SGCD: variants seen among roughly 807,000 people sequenced by gnomAD.
SGCD encodes the protein sarcoglycan delta, also known as delta-sarcoglycan.
SGCD carries 18 observed loss-of-function variants against 36.6 expected under a neutral mutation model. That is an observed-to-expected ratio of 0.49 (90% CI 0.34 to 0.73). The LOEUF is 0.73. SGCD is among the 30% of genes least tolerant of loss of function. The pLI is 0.01. For missense variants in SGCD, 387 were observed against 346.7 expected (o/e 1.12, Z -0.92); for synonymous variants, 133 against 130.6 (o/e 1.02, Z -0.12).
At chr5:156,713,107 G>A (rs1024782996) in intron 7 of SGCD, among the ~76,000 whole-genome samples, 5 of 152,040 alleles carry the variant, frequency 3.3e-5, no homozygotes, top group Non-Finnish European at 5.9e-5. Flanking sequence ...AGGGGTAGCC[G>A]GGCAGGTACA....
At chr5:155,729,074 T>A in the SGCD span, among the ~76,000 whole-genome samples, 1 of 152,232 alleles carries the variant, frequency 6.6e-6, no homozygotes, top group Non-Finnish European at 1.5e-5. Flanking sequence ...AAGTTGGGTC[T>A]CCTTGCGCTT....
chr5:156,024,587 T>C (rs1017628843), intron 1 of SGCD, among the ~76,000 whole-genome samples: 1 of 152,078 alleles, frequency 6.6e-6, no homozygotes, highest in Non-Finnish European at 1.5e-5. Flanking sequence ...ATGCTCCAGT[T>C]ATGGTTCCTG....
intron 7 of SGCD, among the ~76,000 whole-genome samples, chr5:156,723,229 A>G (rs1581467707): frequency 1.3e-5 from 2 of 152,284 alleles, no homozygotes; most frequent in Admixed American, 1.3e-4. Flanking sequence ...AATGAGGGAG[A>G]GTTGCTCACC....
intron 7 of SGCD, among the ~76,000 whole-genome samples, chr5:156,736,949 C>T (rs1246430050): frequency 6.6e-6 from 1 of 152,142 alleles, no homozygotes; most frequent in Admixed American, 6.5e-5. Flanking sequence ...TCAGGCTTCT[C>T]ATGTTACCAT....
chr5:156,624,441 C>T (rs1762367324), intron 6 of SGCD, among the ~76,000 whole-genome samples: 1 of 152,012 alleles, frequency 6.6e-6, no homozygotes, highest in Non-Finnish European at 1.5e-5. Context: ...ATTAGCCGGG[C>T]GTGTTAGCGG....
the SGCD span, among the ~76,000 whole-genome samples, chr5:155,743,551 A>T: frequency 6.6e-6 from 1 of 152,224 alleles, no homozygotes; most frequent in African/African-American, 2.4e-5. Context: ...TGATTGCATC[A>T]CCTGAAATCT....
At chr5:156,254,244 C>T (rs1332961899) in intron 3 of SGCD, among the ~76,000 whole-genome samples, 1 of 152,126 alleles carries the variant, frequency 6.6e-6, no homozygotes, top group African/African-American at 2.4e-5. Context: ...AAAAATTATA[C>T]TTTAAGTTTT....
chr5:156,401,562 A>G (rs913302385), intron 3 of SGCD, among the ~76,000 whole-genome samples: 6 of 152,176 alleles, frequency 3.9e-5, no homozygotes, highest in Non-Finnish European at 8.8e-5. Flanking sequence ...GTGACAAAGA[A>G]AGCCACAGGT....
chr5:156,460,370 A>T (rs1271351698), intron 3 of SGCD, among the ~76,000 whole-genome samples: 1 of 152,222 alleles, frequency 6.6e-6, no homozygotes, highest in Non-Finnish European at 1.5e-5. Context: ...TCTGGAAATC[A>T]TTATCATAAT....
At chr5:155,949,184 C>A (rs1757503431) in intron 1 of SGCD, among the ~76,000 whole-genome samples, 1 of 152,162 alleles carries the variant, frequency 6.6e-6, no homozygotes, top group African/African-American at 2.4e-5. Context: ...TCAATTTAAA[C>A]CAATATCCCT....
At chr5:156,139,939 G>A (rs1426284819) in intron 3 of SGCD, among the ~76,000 whole-genome samples, 4 of 152,142 alleles carry the variant, frequency 2.6e-5, no homozygotes, top group Non-Finnish European at 5.9e-5. Flanking sequence ...GTTGAAGGAA[G>A]TGCTCTCTGT....
At chr5:156,400,487 G>A (rs563317556) in intron 3 of SGCD, among the ~76,000 whole-genome samples, 3 of 152,258 alleles carry the variant, frequency 2.0e-5, no homozygotes, top group South Asian at 4.1e-4. Flanking sequence ...CACAAATAAT[G>A]TGTTGCTACT....
chr5:155,927,998 C>T (rs752014037), intron 1 of SGCD, among the ~76,000 whole-genome samples: 3 of 152,266 alleles, frequency 2.0e-5, no homozygotes, highest in Non-Finnish European at 4.4e-5. Context: ...TAACAAAAGG[C>T]GTGCTCATGG....
chr5:156,276,276 C>T lies in SGCD; in HGVS notation c.-43-53258C>T, dbSNP rs185944336. Among the ~76,000 whole-genome samples the T allele has an allele frequency of 1.4e-4, 21 of 152,226 alleles. No homozygotes were observed. In the East Asian group the frequency reaches 3.1e-3, roughly 22 times the overall value. ...TCTAAAAGACATGAGAGTATCATCACGAGATAATGGACAGCTTGCTGAGAG... is the reference window on the plus strand; with the variant it reads ...TCTAAAAGACATGAGAGTATCATCATGAGATAATGGACAGCTTGCTGAGAG... On this transcript the variant is annotated intron_variant, in intron 3 of 9. Coordinates refer to the SGCD transcript ENST00000517913.
chr5:156,626,214 C>T (rs936539332), intron 6 of SGCD, among the ~76,000 whole-genome samples: 5 of 152,194 alleles, frequency 3.3e-5, no homozygotes, highest in African/African-American at 7.2e-5. Context: ...CTGACTGCAG[C>T]GCCCCTGTAA....
In SGCD at chr5:156,762,820, C is replaced by G. The variant is rs1211067947; in HGVS notation, c.*3430C>G. The G allele has an allele frequency of 1.3e-5, 2 of 152,218 alleles. No individual in the cohort carries two copies. The highest frequency in any genetic ancestry group is 2.9e-5 in the Non-Finnish European group (2 of 68,044). The allele number at this position is 152,218 out of a possible 1,614,324, so 9.4% of individuals were successfully genotyped here. On this transcript the variant is annotated 3_prime_UTR_variant, in exon 9 of 9. Transcript: ENST00000337851. Reference sequence around the variant, plus strand: ...CAGGCAAAGTTTCCTCACCCCTGACCTAGAGGTTTTTGTGGTATGCATTGG... The same window carrying G: ...CAGGCAAAGTTTCCTCACCCCTGACGTAGAGGTTTTTGTGGTATGCATTGG...
intron 3 of SGCD, among the ~76,000 whole-genome samples, chr5:156,321,401 C>A (rs908150208): frequency 5.9e-5 from 9 of 151,990 alleles, no homozygotes; most frequent in Non-Finnish European, 1.3e-4. Context: ...GCCTGGGTGA[C>A]AGAGCGAGAC....
At chr5:155,739,771 C>T in the SGCD span, among the ~76,000 whole-genome samples, 1 of 152,046 alleles carries the variant, frequency 6.6e-6, no homozygotes, top group African/African-American at 2.4e-5. Context: ...GACCAGTGGG[C>T]AGAAAACTCA....
At chr5:155,973,161 A>G (rs1436470177) in intron 1 of SGCD, among the ~76,000 whole-genome samples, 2 of 152,150 alleles carry the variant, frequency 1.3e-5, no homozygotes, top group South Asian at 2.1e-4. Context: ...TCTGAGGGGA[A>G]CTTTGCAATA....
Sources: gnomAD v4.1 joint callset for allele counts (sites outside exome capture counted in the v4.1 genomes callset) on GRCh38, gnomAD v4.1.1 for gene constraint, MANE v1.5 for transcripts, NCBI Gene and HGNC (gene_info 2026-07-23, HGNC 2026-07-21) for gene names.